Variants in SCLT1 observed in about 807,000 individuals in gnomAD.
The protein encoded by SCLT1 is sodium channel-associated protein 1.
In SCLT1, 78 loss-of-function variants were observed where a neutral mutation model predicts 112.8. The ratio of observed to expected loss-of-function variants is 0.69; its 90% CI spans 0.58 to 0.83. The LOEUF (loss-of-function observed/expected upper bound fraction) is 0.83. SCLT1 is among the 40% of genes least tolerant of loss of function. SCLT1 has a pLI of 0.00. For synonymous variants in SCLT1, 257 were observed against 254.7 expected, an observed-to-expected ratio of 1.01 and a Z score of -0.09; for missense variants, 747 against 770.4, an observed-to-expected ratio of 0.97 and a Z score of 0.36.
intron 20 of SCLT1, among the ~76,000 whole-genome samples, chr4:128,885,321 T>C (rs1415294123): frequency 6.6e-6 from 1 of 152,200 alleles, no homozygotes; most frequent in African/African-American, 2.4e-5. Context: ...TTTCATTCCA[T>C]AGACCCCTCT....
chr4:128,900,268 T>C (rs1307616097), intron 18 of SCLT1, among the ~76,000 whole-genome samples: 2 of 152,202 alleles, frequency 1.3e-5, no homozygotes, highest in African/African-American at 2.4e-5. Flanking sequence ...GCTACTTGAC[T>C]TCAAACTATA....
intron 13 of SCLT1, among the ~76,000 whole-genome samples, chr4:128,955,037 C>T (rs1282303785): frequency 1.3e-5 from 2 of 152,096 alleles, no homozygotes; most frequent in Non-Finnish European, 1.5e-5. Flanking sequence ...CAAAGTCAGA[C>T]GAATCAAACT....
intron 5 of SCLT1, among the ~76,000 whole-genome samples, chr4:129,023,895 C>G (rs193127150): frequency 1.3e-5 from 2 of 152,350 alleles, no homozygotes; most frequent in East Asian, 1.9e-4. Context: ...TATCCCGCAC[C>G]TGGCTTGGAG....
rs940420921 is a variant in SCLT1, at chr4:129,043,481, A to G, written c.162-14T>C. Reference sequence around the variant, plus strand: ...GGAGCTAAAAAGCTAAAAAAAGACAATAAAAATATAGCATATTCTGTTCCA... The same window carrying G: ...GGAGCTAAAAAGCTAAAAAAAGACAGTAAAAATATAGCATATTCTGTTCCA... On this transcript the variant is annotated splice_polypyrimidine_tract_variant and intron_variant, in intron 3 of 20. Coordinates refer to ENST00000281142, the MANE Select transcript of SCLT1 (RefSeq NM_144643.4). 1.4e-5 allele frequency: 16 copies of G among 1,176,516 alleles called. No individual in the cohort carries two copies. The highest frequency in any genetic ancestry group is 2.0e-5 in the Non-Finnish European group (16 of 801,740). 72.9% of individuals were successfully genotyped at this position (1,176,516 alleles called of 1,614,324 possible). A position where few individuals can be genotyped will look rare whatever the true frequency, so the allele number is the denominator to read the frequency against.
intron 5 of SCLT1, among the ~76,000 whole-genome samples, chr4:129,007,595 T>C (rs1356312126): frequency 6.6e-6 from 1 of 152,208 alleles, no homozygotes; most frequent in Non-Finnish European, 1.5e-5. Context: ...TTCTATCCTT[T>C]TATTTTCACC....
intron 9 of SCLT1, 98 bp from the exon 10 acceptor site, chr4:128,970,566 C>T: frequency 2.9e-6 from 2 of 691,304 alleles, no homozygotes; most frequent in Non-Finnish European, 5.0e-6. Flanking sequence ...AGTTCTAACT[C>T]TTGTTTATCT....
chr4:128,958,299 T>C (rs1235386546), intron 12 of SCLT1, among the ~76,000 whole-genome samples: 3 of 152,172 alleles, frequency 2.0e-5, no homozygotes, highest in East Asian at 3.9e-4. Context: ...TCTTATGTAA[T>C]AACCTTGAGG....
chr4:128,886,906 T>C (rs1732934857), intron 20 of SCLT1, among the ~76,000 whole-genome samples: 1 of 152,210 alleles, frequency 6.6e-6, no homozygotes, highest in African/African-American at 2.4e-5. Context: ...AGACGTTTTC[T>C]TTGCCATTTG....
Position 129,029,307 on chromosome 4 carries a change from G to C in SCLT1, c.290+9734C>G, listed in dbSNP as rs531027206. 1.2e-3 allele frequency among the ~76,000 whole-genome samples: 176 copies of C among 152,142 alleles called. 2 individuals are homozygous for C. The highest frequency in any genetic ancestry group is 3.2e-4 in the Non-Finnish European group (22 of 68,008). On this transcript the variant is annotated intron_variant, in intron 5 of 20. Transcript: ENST00000281142. ...GTCCAACAATGATAGACTGGATTAA[G>C]AAAATGTGGCACATATACACCATGG...
At chr4:129,038,999 A>G (rs1487687408) in intron 5 of SCLT1, 42 bp downstream of exon 5, 1 of 1,187,672 alleles carries the variant, frequency 8.4e-7, no homozygotes, top group Non-Finnish European at 1.3e-6. Flanking sequence ...AAAGTTACCT[A>G]AGACAATAAT....
intron 20 of SCLT1, among the ~76,000 whole-genome samples, chr4:128,885,195 T>C (rs1441720025): frequency 6.6e-6 from 1 of 152,094 alleles, no homozygotes; most frequent in African/African-American, 2.4e-5. Context: ...ACAAGTCTAA[T>C]AGAAAAATAA....
intron 18 of SCLT1, among the ~76,000 whole-genome samples, chr4:128,914,978 T>C (rs935748713): frequency 6.6e-6 from 1 of 152,038 alleles, no homozygotes; most frequent in African/African-American, 2.4e-5. Flanking sequence ...TGCTTGCTCA[T>C]AAAGGGGCAC....
chr4:129,048,267 G>C (rs1176662674), intron 2 of SCLT1, among the ~76,000 whole-genome samples: 1 of 152,040 alleles, frequency 6.6e-6, no homozygotes, highest in Non-Finnish European at 1.5e-5. Flanking sequence ...CATGGTACTG[G>C]TACCAAAACA....
At chr4:128,886,225 G>A (rs539062416) in intron 20 of SCLT1, among the ~76,000 whole-genome samples, 304 of 152,280 alleles carry the variant, frequency 2.0e-3, no homozygotes, top group Admixed American at 4.8e-3. Flanking sequence ...GATACACTTA[G>A]AATGGATGAA....
intron 19 of SCLT1, among the ~76,000 whole-genome samples, chr4:128,889,406 A>G (rs1237957434): frequency 6.6e-6 from 1 of 152,250 alleles, no homozygotes; most frequent in East Asian, 1.9e-4. Context: ...AGACACAGAG[A>G]GAACACAATC....
chr4:129,039,898 GCGCACACACACA>G lies in SCLT1; in HGVS notation c.235-814_235-803del, dbSNP rs1416294172. 1.9e-3 allele frequency: 468 copies of G among 241,514 alleles called. 1 individual carries two copies. The highest frequency in any genetic ancestry group is 5.5e-3 in the African/African-American group (157 of 28,690). The allele number at this position is 241,514 out of a possible 1,614,324, so 15.0% of individuals were successfully genotyped here. ...ATGAGCAAATGGAGAGTGTGCGCGC[GCGCACACACACA>G]CACACACACACACACACACACAAAA... On this transcript the variant is annotated intron_variant, in intron 4 of 20. Transcript: ENST00000281142.
chr4:129,049,243 A>T (rs1194433222), intron 2 of SCLT1, among the ~76,000 whole-genome samples: 1 of 151,816 alleles, frequency 6.6e-6, no homozygotes, highest in African/African-American at 2.4e-5. Context: ...ATGTCCAACA[A>T]TGATAGACTG....
Position 129,004,451 on chromosome 4 carries a change from G to A in SCLT1, c.291-575C>T, listed in dbSNP as rs1015041394. ...CAATAATACTGAAAGGCTTAAAATT[G>A]ACTTTAATCTTAACATTAAGGTAAA... On this transcript the variant is annotated intron_variant, in intron 5 of 20. Coordinates refer to ENST00000281142, the MANE Select transcript of SCLT1 (RefSeq NM_144643.4). Among the ~76,000 whole-genome samples, 13 of 151,676 alleles carry A rather than the reference G, an allele frequency of 8.6e-5. 1 individual carries two copies. The highest frequency in any genetic ancestry group is 3.1e-4 in the African/African-American group (13 of 41,316).
chr4:128,874,783 G>C (rs968844955), intron 4 of SCLT1: 2 of 152,354 alleles, frequency 1.3e-5, no homozygotes, highest in African/African-American at 2.4e-5. Context: ...AAATATCTTT[G>C]ATTATGATTA....
Sources: gnomAD v4.1 joint callset for allele counts (sites outside exome capture counted in the v4.1 genomes callset) on GRCh38, gnomAD v4.1.1 for gene constraint, MANE v1.5 for transcripts, NCBI Gene and HGNC (gene_info 2026-07-23, HGNC 2026-07-21) for gene names.